Variants in TRDN observed in about 807,000 individuals in gnomAD.
TRDN encodes the protein triadin in skeletal muscle.
TRDN carries 161 observed loss-of-function variants against 149.7 expected under a neutral mutation model. That is an observed-to-expected ratio of 1.08 (90% CI 0.95 to 1.23). TRDN has a LOEUF of 1.23. Ranked by LOEUF, TRDN falls within the 50% of genes most tolerant of loss-of-function variation. The probability of loss-of-function intolerance (pLI) is 0.00; values close to 1 mark genes in which losing one functional copy is unlikely to be tolerated. For synonymous variants in TRDN, 294 were observed against 250.5 expected (o/e 1.17, Z -1.64); for missense variants, 896 against 823.5 (o/e 1.09, Z -1.08).
intron 10 of TRDN, chr6:123,456,755 T>A (rs1198404448): frequency 2.9e-5 from 13 of 455,310 alleles, no homozygotes; most frequent in Non-Finnish European, 5.3e-5. Context: ...CAGCATTCCT[T>A]ATCCTTTATT....
chr6:123,458,030 C>A (rs1776234598), intron 10 of TRDN, among the ~76,000 whole-genome samples: 1 of 152,120 alleles, frequency 6.6e-6, no homozygotes, highest in Non-Finnish European at 1.5e-5. Flanking sequence ...TACAGTTGAT[C>A]CTTTAGTTCA....
chr6:123,240,554 C>T (rs911192637), intron 38 of TRDN, among the ~76,000 whole-genome samples: 5 of 151,476 alleles, frequency 3.3e-5, no homozygotes, highest in Admixed American at 2.0e-4. Context: ...GTAAAAGAGA[C>T]TTAATAGTCA....
At chr6:123,236,421 C>A (rs75739482) in intron 38 of TRDN, among the ~76,000 whole-genome samples, 8,091 of 152,166 alleles carry the variant, frequency 0.053, 636 homozygotes, top group African/African-American at 0.19. Context: ...GATATGTAGT[C>A]TTTTCCACAG....
chr6:123,344,387 G>C (rs1562270643), intron 21 of TRDN, among the ~76,000 whole-genome samples: 1 of 151,870 alleles, frequency 6.6e-6, no homozygotes, highest in Non-Finnish European at 1.5e-5. Flanking sequence ...GTTTCATTCA[G>C]AATAATTTCA....
intron 12 of TRDN, among the ~76,000 whole-genome samples, chr6:123,408,390 G>A (rs773566471): frequency 1.4e-4 from 22 of 151,860 alleles, no homozygotes; most frequent in Non-Finnish European, 3.1e-4. Flanking sequence ...GACAATAATT[G>A]TTTTGGGCCA....
chr6:123,401,530 A>T (rs553122767), intron 12 of TRDN, among the ~76,000 whole-genome samples: 1 of 152,354 alleles, frequency 6.6e-6, no homozygotes, highest in Admixed American at 6.5e-5. Flanking sequence ...TATTACCTAA[A>T]CATAAGAATT....
At position 123,221,486 on chromosome 6, in the gene TRDN, C is replaced by A; in HGVS notation, c.2050+1G>T. On this transcript the variant is annotated splice_donor_variant, in intron 40 of 40. Transcript: ENST00000334268. LOFTEE classifies it high-confidence loss of function. ...TACTTTTAATCTCATTATAAACTTA[C>A]TTTTCTGCTTTGTGGGAGACACATC... 1 of 1,557,328 alleles carries A rather than the reference C, an allele frequency of 6.4e-7. No individual in the cohort carries two copies. Among genetic ancestry groups the A allele is most frequent in the Non-Finnish European group, 8.8e-7 (1 of 1,135,734 alleles).
intron 4 of TRDN, among the ~76,000 whole-genome samples, chr6:123,530,941 G>A (rs1035125288): frequency 1.2e-4 from 18 of 151,792 alleles, no homozygotes; most frequent in Admixed American, 6.6e-5. Context: ...GGAAGATTTA[G>A]TTTTTACATA....
At chr6:123,523,565 T>A (rs1583186573) in intron 5 of TRDN, among the ~76,000 whole-genome samples, 1 of 152,048 alleles carries the variant, frequency 6.6e-6, no homozygotes, top group African/African-American at 2.4e-5. Flanking sequence ...ACCTGAGGGG[T>A]TAATGCTGGG....
At chr6:123,442,920 T>A (rs1775011048) in intron 10 of TRDN, among the ~76,000 whole-genome samples, 1 of 152,196 alleles carries the variant, frequency 6.6e-6, no homozygotes, top group Admixed American at 6.5e-5. Flanking sequence ...AATTTTGCTA[T>A]AATTAGTAGT....
intron 38 of TRDN, among the ~76,000 whole-genome samples, chr6:123,233,910 A>G (rs1775698634): frequency 6.6e-6 from 1 of 151,980 alleles, no homozygotes; most frequent in South Asian, 2.1e-4. Context: ...CATAATCATC[A>G]TCATCCTCAT....
intron 9 of TRDN, among the ~76,000 whole-genome samples, chr6:123,479,029 T>G (rs1281660133): frequency 3.3e-5 from 5 of 152,166 alleles, no homozygotes; most frequent in Non-Finnish European, 5.9e-5. Flanking sequence ...GAAAGAGCAT[T>G]ATTAAAAGTG....
At chr6:123,268,653 A>G (rs79365746) in intron 31 of TRDN, among the ~76,000 whole-genome samples, 9,225 of 152,004 alleles carry the variant, frequency 0.061, 927 homozygotes, top group African/African-American at 0.21. Flanking sequence ...CCCCCAAATT[A>G]TGCACCAACA....
chr6:123,267,610 AAC>A (rs1777056980), intron 32 of TRDN, 95 bp downstream of exon 32: 1 of 797,972 alleles, frequency 1.3e-6, no homozygotes, highest in African/African-American at 1.8e-5. Context: ...ATTACCAGGA[AAC>A]ACAGTGAAAA....
chr6:123,314,544 A>G (rs1182678075), intron 24 of TRDN, among the ~76,000 whole-genome samples: 1 of 152,014 alleles, frequency 6.6e-6, no homozygotes, highest in African/African-American at 2.4e-5. Context: ...ACATGCACAC[A>G]TATGTTCATT....
chr6:123,586,403 G>A (rs2114602694), intron 1 of TRDN, among the ~76,000 whole-genome samples: 1 of 152,170 alleles, frequency 6.6e-6, no homozygotes, highest in African/African-American at 2.4e-5. Context: ...AGTGATGCTT[G>A]GGGTTGGGAC....
rs776628762 is a variant in TRDN at position 123,218,718 on chromosome 6, A to G, written c.2073T>C (p.Cys691=). 5 of 1,580,366 alleles carry G rather than the reference A, an allele frequency of 3.2e-6. No homozygotes were observed. The Admixed American group carries it at 9.2e-5, about 29-fold the overall frequency. Residue 691 remains cysteine, a synonymous_variant, in exon 41 of 41, where the codon TGT becomes TGC. Coordinates refer to ENST00000334268, the MANE Select transcript of TRDN (RefSeq NM_006073.4). ...AGCCATTGTACCCATCCAAGTAGAC[A>G]CACTGGAAGAAACTGATGGGACCTA... is the stretch of plus-strand genomic sequence containing the variant. ...KQKSPISFFQ[C]VYLDGYNGYG...
intron 24 of TRDN, among the ~76,000 whole-genome samples, chr6:123,300,614 G>C (rs1778364451): frequency 6.6e-6 from 1 of 151,778 alleles, no homozygotes; most frequent in Non-Finnish European, 1.5e-5. Context: ...CTAAGAAATA[G>C]TTCTTCTAAG....
At chr6:123,240,496 T>C (rs1775950845) in intron 38 of TRDN, among the ~76,000 whole-genome samples, 1 of 151,846 alleles carries the variant, frequency 6.6e-6, no homozygotes, top group Non-Finnish European at 1.5e-5. Flanking sequence ...ATAACAGTTA[T>C]ATATTTATAG....
Sources: gnomAD v4.1 joint callset for allele counts (sites outside exome capture counted in the v4.1 genomes callset) on GRCh38, gnomAD v4.1.1 for gene constraint, MANE v1.5 for transcripts, NCBI Gene and HGNC (gene_info 2026-07-23, HGNC 2026-07-21) for gene names.